The following SETBP1 variants were observed in gnomAD, a reference collection of about 807,000 sequenced individuals.
SETBP1 encodes SET-binding protein.
A neutral mutation model predicts 101.0 loss-of-function variants in SETBP1; 9 were observed. The observed-to-expected ratio is 0.09, with a 90% confidence interval of 0.05 to 0.16. The LOEUF (loss-of-function observed/expected upper bound fraction) is 0.16. Among genes scored for constraint, SETBP1 ranks in the 10% least tolerant of loss-of-function variants. The pLI, the probability that SETBP1 is intolerant of heterozygous loss-of-function variation, is 1.00. For missense variants in SETBP1, 1,858 were observed against 2,033.8 expected (o/e 0.91, Z 1.66); for synonymous variants, 818 against 788.5 (o/e 1.04, Z -0.63).
At chr18:44,911,931 A>C (rs1334935293) in intron 3 of SETBP1, among the ~76,000 whole-genome samples, 21 of 131,788 alleles carry the variant, frequency 1.6e-4, no homozygotes, top group Admixed American at 1.5e-3. Flanking sequence ...GTGCTCCTGC[A>C]TACACACACC....
At chr18:44,688,601 C>T (rs999338550) in intron 1 of SETBP1, among the ~76,000 whole-genome samples, 15 of 151,784 alleles carry the variant, frequency 9.9e-5, no homozygotes, top group Non-Finnish European at 1.8e-4. Flanking sequence ...TATAGTCACC[C>T]GCCACCATGC....
intron 3 of SETBP1, among the ~76,000 whole-genome samples, chr18:44,929,543 G>T (rs9675835): frequency 2.6e-5 from 4 of 151,470 alleles, no homozygotes; most frequent in Admixed American, 1.3e-4. Flanking sequence ...CCATTCTCAC[G>T]ATATTGATTC....
chr18:44,881,652 T>C (rs1322078828), intron 3 of SETBP1, among the ~76,000 whole-genome samples: 2 of 152,186 alleles, frequency 1.3e-5, no homozygotes, highest in African/African-American at 2.4e-5. Context: ...TGTACATTTG[T>C]AGAGAATCTT....
rs2073989250 is a variant in SETBP1, at chr18:45,067,889, T to C, written c.*4191T>C. 6.6e-6 allele frequency: 1 copy of C among 152,184 alleles called. No homozygotes were observed. The highest frequency in any genetic ancestry group is 2.1e-4 in the South Asian group (1 of 4,824). 9.4% of individuals were successfully genotyped at this position (152,184 alleles called of 1,614,324 possible). ...CTAAAGGGGGGAAATTGAAAGGAGC[T>C]GCCAACTGGTCAACGTGGAAGGGCG... On this transcript the variant is annotated 3_prime_UTR_variant, in exon 6 of 6. Coordinates refer to ENST00000649279, the MANE Select transcript of SETBP1 (RefSeq NM_015559.3).
rs562900732 is a variant in SETBP1, at chr18:44,951,349, A to G, written c.2009A>G (p.Lys670Arg). 4 of 1,614,040 alleles carry G rather than the reference A, an allele frequency of 2.5e-6. No individual in the cohort carries two copies. The South Asian group carries it at 4.4e-5, about 18-fold the overall frequency. The change falls in exon 4 of 6, where the codon AAG becomes AGG. Residue 670 changes from lysine (K) to arginine (R), a missense_variant. Lys to Arg is a conservative substitution (Grantham distance 26, BLOSUM62 2). Around this residue, in one of 12 missense-constraint regions of SETBP1, gnomAD observed 111 missense variants for 119.3 expected, o/e 0.93. Coordinates refer to ENST00000649279, the MANE Select transcript of SETBP1 (RefSeq NM_015559.3). This position sits in a 1 kb window ranked among gnomAD's most constrained non-coding sequence, Gnocchi z 7.8. ...KKTIKTINKM[K>R]TLKRKNILNQ... ...ACCATCAAAACTATCAATAAGATGA[A>G]GACACTCAAGAGGAAAAACATCTTG...
chr18:44,789,135 T>A (rs2071314372), intron 2 of SETBP1, among the ~76,000 whole-genome samples: 1 of 152,146 alleles, frequency 6.6e-6, no homozygotes. Context: ...TTAAAGTGTC[T>A]TATTTCTTTT....
At chr18:44,882,305 A>G (rs1235224277) in intron 3 of SETBP1, among the ~76,000 whole-genome samples, 1 of 152,154 alleles carries the variant, frequency 6.6e-6, no homozygotes, top group Non-Finnish European at 1.5e-5. Flanking sequence ...CCCTCAGTCC[A>G]GGAAGGTGCT....
intron 4 of SETBP1, among the ~76,000 whole-genome samples, chr18:44,996,403 G>A (rs73952942): frequency 0.031 from 4,721 of 152,296 alleles, 239 homozygotes; most frequent in African/African-American, 0.11. Context: ...GGCAGAGCCA[G>A]CTTTCTCTCC....
At chr18:44,721,200 A>C (rs2069586305) in intron 2 of SETBP1, among the ~76,000 whole-genome samples, 1 of 152,186 alleles carries the variant, frequency 6.6e-6, no homozygotes, top group African/African-American at 2.4e-5. Flanking sequence ...TTTTCTTAAG[A>C]ATTCATAAGC....
At chr18:45,058,098 G>A (rs888337380) in intron 5 of SETBP1, among the ~76,000 whole-genome samples, 7 of 152,196 alleles carry the variant, frequency 4.6e-5, no homozygotes, top group Non-Finnish European at 4.4e-5. Context: ...AAGAAAATTT[G>A]TATTGCCGAG....
At chr18:44,792,493 G>A (rs545236362) in intron 2 of SETBP1, among the ~76,000 whole-genome samples, 52 of 152,272 alleles carry the variant, frequency 3.4e-4, no homozygotes, top group Admixed American at 9.2e-4. Flanking sequence ...CTTTGGTTCC[G>A]GGTCTTTGGT....
chr18:44,823,609 T>C (rs1010295039), intron 2 of SETBP1, among the ~76,000 whole-genome samples: 1 of 152,236 alleles, frequency 6.6e-6, no homozygotes, highest in African/African-American at 2.4e-5. Context: ...ACAGGACTTA[T>C]GCTCAGGTCA....
At chr18:45,059,057 T>G (rs908939907) in intron 5 of SETBP1, among the ~76,000 whole-genome samples, 1 of 152,228 alleles carries the variant, frequency 6.6e-6, no homozygotes, top group African/African-American at 2.4e-5. Context: ...TATTGCCACT[T>G]ATTTATAATT....
chr18:44,876,738 G>T, intron 3 of SETBP1: 1 of 1,534,888 alleles, frequency 6.5e-7, no homozygotes, highest in Non-Finnish European at 8.8e-7. Flanking sequence ...CTGCAGTCTG[G>T]GCACAAGAAG....
chr18:44,788,801 T>TC (rs2071305658), intron 2 of SETBP1, among the ~76,000 whole-genome samples: 1 of 141,890 alleles, frequency 7.0e-6, no homozygotes, highest in Admixed American at 7.0e-5. Flanking sequence ...TTTTTTTTTT[T>TC]TTTTTTTTTT....
chr18:44,775,601 G>A (rs1487905270), intron 2 of SETBP1, among the ~76,000 whole-genome samples: 2 of 150,546 alleles, frequency 1.3e-5, no homozygotes, highest in Non-Finnish European at 3.0e-5. Flanking sequence ...TTTTTCTATA[G>A]TTTTTTGTTT....
chr18:44,734,354 C>T (rs977183529), intron 2 of SETBP1, among the ~76,000 whole-genome samples: 1 of 152,178 alleles, frequency 6.6e-6, no homozygotes, highest in East Asian at 1.9e-4. Flanking sequence ...GCATGTGTGT[C>T]CTAGCTGTCT....
At chr18:44,848,673 A>G (rs1215763055) in intron 2 of SETBP1, among the ~76,000 whole-genome samples, 1 of 152,216 alleles carries the variant, frequency 6.6e-6, no homozygotes, top group Non-Finnish European at 1.5e-5. Flanking sequence ...TGCAAACACA[A>G]TGAAACAGAT....
chr18:44,779,294 T>C (rs2071075312), intron 2 of SETBP1, among the ~76,000 whole-genome samples: 1 of 152,172 alleles, frequency 6.6e-6, no homozygotes, highest in African/African-American at 2.4e-5. Context: ...TTGGTGCGGG[T>C]ATTGGAAGGC....
Sources: gnomAD v4.1 joint callset for allele counts (sites outside exome capture counted in the v4.1 genomes callset) on GRCh38, gnomAD v4.1.1 for gene constraint, gnomAD v4.1.1 regional missense constraint, Gnocchi (gnomAD v3.1) non-coding constraint, MANE v1.5 for transcripts, NCBI Gene and HGNC (gene_info 2026-07-23, HGNC 2026-07-21) for gene names.